The following USP12 variants were observed in gnomAD, a reference collection of about 807,000 sequenced individuals.
USP12 encodes ubiquitin carboxyl-terminal hydrolase 12.
In USP12, 19 loss-of-function variants were observed where a neutral mutation model predicts 45.5. The observed-to-expected ratio is 0.42, with a 90% CI of 0.29 to 0.61. The LOEUF (loss-of-function observed/expected upper bound fraction) is 0.61. USP12 is among the 20% of genes least tolerant of loss of function. The probability of loss-of-function intolerance (pLI) is 0.22; values close to 1 mark genes in which losing one functional copy is unlikely to be tolerated. For synonymous variants in USP12, 149 were observed against 148.8 expected, an observed-to-expected ratio of 1.00 and a Z score of -0.01; for missense variants, 242 against 447.7, an observed-to-expected ratio of 0.54 and a Z score of 4.15.
At position 27,160,912 on chromosome 13, in the gene USP12, G is replaced by T. The variant is rs137918931; in HGVS notation, c.48+10680C>A. ...AACCCATCTCCCCGGGTTAAGCCCAGCATCCATCAGCTCTTCTTCCTGATG... is the reference window on the plus strand; with the variant it reads ...AACCCATCTCCCCGGGTTAAGCCCATCATCCATCAGCTCTTCTTCCTGATG... On this transcript the variant is annotated intron_variant, in intron 1 of 8. Coordinates refer to ENST00000282344, the MANE Select transcript of USP12 (RefSeq NM_182488.4). 8.4e-3 allele frequency among the ~76,000 whole-genome samples: 1,276 copies of T among 151,946 alleles called. 13 individuals carry two copies. Among genetic ancestry groups the T allele is most frequent in the Middle Eastern group, 0.024 (7 of 292 alleles).
chr13:27,104,247 T>C (rs1875022113), intron 3 of USP12, among the ~76,000 whole-genome samples: 1 of 152,158 alleles, frequency 6.6e-6, no homozygotes, highest in South Asian at 2.1e-4. Flanking sequence ...CTGAGGCTAG[T>C]CTCAAACTCT....
intron 1 of USP12, chr13:27,170,165 T>C (rs1198144339): frequency 2.5e-6 from 1 of 396,286 alleles, no homozygotes; most frequent in Non-Finnish European, 4.4e-6. Flanking sequence ...GAAAGAACAA[T>C]CATCCAGTTG....
chr13:27,137,940 A>G (rs796999276), intron 1 of USP12, among the ~76,000 whole-genome samples: 4 of 152,362 alleles, frequency 2.6e-5, no homozygotes, highest in African/African-American at 9.6e-5. Flanking sequence ...CTCAGCACTG[A>G]GGGCAGCTGC....
intron 1 of USP12, among the ~76,000 whole-genome samples, chr13:27,138,269 C>G (rs934717525): frequency 6.6e-6 from 1 of 152,222 alleles, no homozygotes; most frequent in African/African-American, 2.4e-5. Context: ...CCGAAAGGCT[C>G]AGGGAGCTGA....
intron 1 of USP12, chr13:27,162,926 G>A (rs1878175106): frequency 6.6e-6 from 1 of 152,122 alleles, no homozygotes. Flanking sequence ...CTGTGTGGGT[G>A]TGTATTTATC....
chr13:27,161,710 A>G (rs1878113804), intron 1 of USP12, among the ~76,000 whole-genome samples: 1 of 151,954 alleles, frequency 6.6e-6, no homozygotes, highest in South Asian at 2.1e-4. Context: ...GTCTCTACAA[A>G]AAAAATTAAT....
chr13:27,160,017 A>G (rs1303328038), intron 1 of USP12, among the ~76,000 whole-genome samples: 1 of 152,244 alleles, frequency 6.6e-6, no homozygotes, highest in Non-Finnish European at 1.5e-5. Context: ...AATTGCGAAC[A>G]CTTGGCAGGA....
chr13:27,165,732 A>T (rs904260970), intron 1 of USP12, among the ~76,000 whole-genome samples: 1 of 152,240 alleles, frequency 6.6e-6, no homozygotes, highest in Admixed American at 6.5e-5. Flanking sequence ...TTTGTGAATT[A>T]TTAGGCTGTT....
At position 27,094,458 on chromosome 13, in the gene USP12, T is replaced by C. The variant is rs549646197; in HGVS notation, c.573+1143A>G. Among the ~76,000 whole-genome samples, 13 of 151,964 alleles carry C rather than the reference T, an allele frequency of 8.6e-5. No individual in the cohort carries two copies. The South Asian group carries it at 2.7e-3, about 32-fold the overall frequency. ...TTGGGGCTATAATGATCTATAACAG[T>C]GTCACTGCACTAAAGCCTGGGCGAC... On this transcript the variant is annotated intron_variant, in intron 4 of 8. Coordinates refer to ENST00000282344, the MANE Select transcript of USP12 (RefSeq NM_182488.4).
At chr13:27,106,230 C>T (rs1337603829) in intron 2 of USP12, among the ~76,000 whole-genome samples, 1 of 151,882 alleles carries the variant, frequency 6.6e-6, no homozygotes, top group Non-Finnish European at 1.5e-5. Flanking sequence ...AAAAAGTCAC[C>T]AGTATGACAG....
At chr13:27,096,485 G>C (rs1296081519) in intron 3 of USP12, among the ~76,000 whole-genome samples, 1 of 152,168 alleles carries the variant, frequency 6.6e-6, no homozygotes, top group African/African-American at 2.4e-5. Flanking sequence ...TGAAATATTG[G>C]TGGTGCTAAC....
chr13:27,141,960 C>T (rs1877081439), intron 1 of USP12, among the ~76,000 whole-genome samples: 1 of 151,980 alleles, frequency 6.6e-6, no homozygotes, highest in Non-Finnish European at 1.5e-5. Flanking sequence ...AAAAAAAATA[C>T]AAAAATTAGT....
intron 1 of USP12, among the ~76,000 whole-genome samples, chr13:27,138,511 T>C (rs143851729): frequency 2.6e-4 from 39 of 152,330 alleles, no homozygotes; most frequent in Middle Eastern, 6.8e-3. Flanking sequence ...CAGCTTGACA[T>C]GCCTCAGACT....
intron 1 of USP12, among the ~76,000 whole-genome samples, chr13:27,170,857 A>G (rs192840754): frequency 1.5e-4 from 23 of 152,352 alleles, no homozygotes; most frequent in East Asian, 7.7e-4. Context: ...TGCCACCTGG[A>G]CACACGGCTG....
intron 1 of USP12, among the ~76,000 whole-genome samples, chr13:27,164,225 G>C (rs975834757): frequency 1.3e-5 from 2 of 152,158 alleles, no homozygotes; most frequent in South Asian, 2.1e-4. Context: ...TTTACAAGTA[G>C]AGAATGTGTG....
intron 1 of USP12, among the ~76,000 whole-genome samples, chr13:27,124,754 T>C (rs1258937292): frequency 1.3e-5 from 2 of 152,126 alleles, no homozygotes. Flanking sequence ...TGTAAAAAGA[T>C]GAATCCAAAG....
chr13:27,136,601 T>C (rs1193016288), intron 1 of USP12, among the ~76,000 whole-genome samples: 1 of 152,202 alleles, frequency 6.6e-6, no homozygotes, highest in Non-Finnish European at 1.5e-5. Flanking sequence ...CTAGGTTAGT[T>C]TGTAGAGTCA....
At chr13:27,157,318 C>T (rs1334151661) in intron 1 of USP12, among the ~76,000 whole-genome samples, 2 of 151,940 alleles carry the variant, frequency 1.3e-5, no homozygotes, top group Admixed American at 1.3e-4. Context: ...TGAAATGGAC[C>T]TAAGATCACA....
chr13:27,116,735 T>C, intron 1 of USP12, 139 bp from the exon 2 acceptor site: 1 of 607,926 alleles, frequency 1.6e-6, no homozygotes, highest in Non-Finnish European at 2.7e-6. Flanking sequence ...GTCTTTATCC[T>C]TTACACCGTA....
Sources: gnomAD v4.1 joint callset for allele counts (sites outside exome capture counted in the v4.1 genomes callset) on GRCh38, gnomAD v4.1.1 for gene constraint, MANE v1.5 for transcripts, NCBI Gene and HGNC (gene_info 2026-07-23, HGNC 2026-07-21) for gene names.